The following SLCO3A1 variants were observed in gnomAD, a reference collection of about 807,000 sequenced individuals.
SLCO3A1 encodes solute carrier organic anion transporter family member 3A1, also known as PGE1 transporter.
SLCO3A1 carries 27 observed loss-of-function variants against 63.1 expected under a neutral mutation model. That is an observed-to-expected ratio of 0.43 (90% CI 0.32 to 0.59). SLCO3A1 has a LOEUF of 0.59. Ranked by LOEUF, SLCO3A1 falls within the 20% of genes least tolerant of loss-of-function variation. SLCO3A1 has a pLI of 0.09. For missense variants in SLCO3A1, 773 were observed against 945.8 expected, an observed-to-expected ratio of 0.82 and a Z score of 2.40; for synonymous variants, 473 against 409.9, an observed-to-expected ratio of 1.15 and a Z score of -1.86.
intron 2 of SLCO3A1, among the ~76,000 whole-genome samples, chr15:91,936,917 A>C (rs1597137186): frequency 6.6e-6 from 1 of 152,310 alleles, no homozygotes; most frequent in East Asian, 1.9e-4. Flanking sequence ...AAATATGGTC[A>C]CTGTGATTAT....
At position 91,970,359 on chromosome 15, in the gene SLCO3A1, G is replaced by A. The variant is rs370814655; in HGVS notation, c.646+53901G>A. Among the ~76,000 whole-genome samples the A allele has an allele frequency of 1.2e-3, 180 of 152,326 alleles. 1 individual carries two copies. The East Asian group carries it at 0.027, about 23-fold the overall frequency. On this transcript the variant is annotated intron_variant, in intron 2 of 9. Transcript: ENST00000318445. ...GCTGGTGTGCTGGCCCCAAGCCTGG[G>A]CAGTTTGGGCTCCATCACACCCTGG...
chr15:91,921,382 C>T (rs1260343734), intron 2 of SLCO3A1, among the ~76,000 whole-genome samples: 1 of 152,128 alleles, frequency 6.6e-6, no homozygotes. Context: ...GGGGTTAGGG[C>T]TTCAATATAT....
chr15:91,898,530 G>A (rs1898066554), intron 1 of SLCO3A1, among the ~76,000 whole-genome samples: 1 of 152,186 alleles, frequency 6.6e-6, no homozygotes, highest in Non-Finnish European at 1.5e-5. Context: ...TGAGAAGGCT[G>A]CACTCCCTTC....
intron 10 of SLCO3A1, chr15:92,171,205 A>G (rs553101483): frequency 6.5e-6 from 1 of 152,678 alleles, no homozygotes; most frequent in East Asian, 1.9e-4. Context: ...TGTGTTTTTA[A>G]TACCTTTAAA....
At chr15:92,028,300 C>T (rs1050610431) in intron 2 of SLCO3A1, among the ~76,000 whole-genome samples, 1 of 152,154 alleles carries the variant, frequency 6.6e-6, no homozygotes, top group African/African-American at 2.4e-5. Context: ...CTCCAGGTTC[C>T]CATTAGCATC....
chr15:91,966,622 G>A (rs890298045), intron 2 of SLCO3A1, among the ~76,000 whole-genome samples: 1 of 152,178 alleles, frequency 6.6e-6, no homozygotes, highest in Admixed American at 6.5e-5. Flanking sequence ...TAAAGCAACA[G>A]GCAGTGATGA....
intron 2 of SLCO3A1, among the ~76,000 whole-genome samples, chr15:91,973,337 T>A (rs1229673198): frequency 6.6e-6 from 1 of 152,196 alleles, no homozygotes; most frequent in Non-Finnish European, 1.5e-5. Flanking sequence ...TCCATTCTGC[T>A]GATGAAGAGC....
At chr15:92,035,341 C>T (rs925278732) in intron 2 of SLCO3A1, among the ~76,000 whole-genome samples, 2 of 151,896 alleles carry the variant, frequency 1.3e-5, no homozygotes, top group South Asian at 2.1e-4. Flanking sequence ...CTTTTTCCTT[C>T]GTCCAAACTG....
rs770876909 is a variant in SLCO3A1 at position 91,862,928 on chromosome 15, C to G, written c.180+8840C>G. On this transcript the variant is annotated intron_variant, in intron 1 of 9. Transcript: ENST00000318445. The surrounding 1 kb of genome is among the most constrained non-coding windows in gnomAD (Gnocchi z 4.0). The stretch of plus-strand genomic sequence containing the variant: ...CTTATGTAAAATAGGCAGGCTGTTT[C>G]TAATTGTTGAATTTGTCTCCCAACT... 1.3e-5 allele frequency among the ~76,000 whole-genome samples: 2 copies of G among 152,170 alleles called. No homozygotes were observed. The highest frequency in any genetic ancestry group is 2.9e-5 in the Non-Finnish European group (2 of 68,022).
chr15:92,139,249 T>C (rs1434745159), intron 7 of SLCO3A1, among the ~76,000 whole-genome samples: 1 of 146,594 alleles, frequency 6.8e-6, no homozygotes, highest in Non-Finnish European at 1.5e-5. Context: ...GGTTTTTGTC[T>C]TTGGCTCTGT....
chr15:92,133,752 T>C (rs1281372257), intron 7 of SLCO3A1, among the ~76,000 whole-genome samples: 2 of 114,590 alleles, frequency 1.7e-5, no homozygotes, highest in African/African-American at 2.9e-5. Flanking sequence ...GATTCTACTT[T>C]ATGGTGAATT....
chr15:92,059,203 G>A (rs988296111), intron 2 of SLCO3A1, among the ~76,000 whole-genome samples: 1 of 152,190 alleles, frequency 6.6e-6, no homozygotes, highest in South Asian at 2.1e-4. Flanking sequence ...CTAGGGGGGT[G>A]TTTCCTGTCA....
At chr15:91,922,209 C>CACACACACACAT (rs1555449781) in intron 2 of SLCO3A1, among the ~76,000 whole-genome samples, 11 of 151,974 alleles carry the variant, frequency 7.2e-5, no homozygotes, top group Non-Finnish European at 1.6e-4. Context: ...CACACACACA[C>CACACACACACAT]GGCACAGAGA....
At chr15:91,949,964 G>GCTA (rs1390508067) in intron 2 of SLCO3A1, among the ~76,000 whole-genome samples, 1 of 152,174 alleles carries the variant, frequency 6.6e-6, no homozygotes, top group Non-Finnish European at 1.5e-5. Context: ...CCCTCATGGT[G>GCTA]CTACTGCACT....
At position 91,853,867 on chromosome 15, in the gene SLCO3A1, G is replaced by A. The variant is rs755357441; in HGVS notation, c.-42G>A. The A allele has an allele frequency of 7.8e-7, 1 of 1,285,794 alleles. No homozygotes were observed. The highest frequency in any genetic ancestry group is 3.8e-5 in the Admixed American group (1 of 26,398). The allele number at this position is 1,285,794 out of a possible 1,614,324, so 79.6% of individuals were successfully genotyped here. A position where few individuals can be genotyped will look rare whatever the true frequency, so the allele number is the denominator to read the frequency against. On this transcript the variant is annotated 5_prime_UTR_variant, in exon 1 of 10. Coordinates refer to ENST00000318445, the MANE Select transcript of SLCO3A1 (RefSeq NM_013272.4). ...CGGCCCCGACACCCGGGGCGAGCGG[G>A]AAAGCGGCAGCGGCGGCGGCGGCGG...
chr15:92,014,338 GA>G (rs2046401717), intron 2 of SLCO3A1, among the ~76,000 whole-genome samples: 1 of 152,162 alleles, frequency 6.6e-6, no homozygotes, highest in Non-Finnish European at 1.5e-5. Context: ...GGGTGGCAGA[GA>G]GGCAAAGAAA....
At chr15:91,905,761 C>T (rs72750082) in intron 1 of SLCO3A1, among the ~76,000 whole-genome samples, 2,457 of 152,164 alleles carry the variant, frequency 0.016, 27 homozygotes, top group Non-Finnish European at 0.023. Flanking sequence ...AAAACTATTT[C>T]TCTTTGTTCA....
In SLCO3A1 at chr15:92,143,449, TAATA is replaced by T. The variant is rs1443857347; in HGVS notation, c.1513-3534_1513-3531del. Among the ~76,000 whole-genome samples the T allele has an allele frequency of 1.0e-3, 5 of 4,936 alleles. 1 individual carries two copies. In the East Asian group the frequency reaches 0.027, roughly 27 times the overall value. The allele number at this position is 4,936 out of a possible 152,430, so 3.2% of individuals were successfully genotyped here. On this transcript the variant is annotated intron_variant, in intron 7 of 9. Transcript: ENST00000318445. ...ATATATAATATATATAATATATATATAATATATATAATATATATAAATATATATA... is the reference window on the plus strand; with the variant it reads ...ATATATAATATATATAATATATATATTATATAATATATATAAATATATATA...
At chr15:92,104,239 C>T (rs778557405) in intron 3 of SLCO3A1, 40 bp from the exon 4 acceptor site, 1 of 1,605,270 alleles carries the variant, frequency 6.2e-7, no homozygotes, top group East Asian at 2.2e-5. Context: ...AGTGGTCCAG[C>T]CTTCTTTTCT....
Sources: gnomAD v4.1 joint callset for allele counts (sites outside exome capture counted in the v4.1 genomes callset) on GRCh38, gnomAD v4.1.1 for gene constraint, Gnocchi (gnomAD v3.1) non-coding constraint, MANE v1.5 for transcripts, NCBI Gene and HGNC (gene_info 2026-07-23, HGNC 2026-07-21) for gene names.